Variants in CIP2A observed in about 807,000 individuals in gnomAD.
CIP2A encodes the protein protein CIP2A.
CIP2A carries 103 observed loss-of-function variants against 110.9 expected under a neutral mutation model. The ratio of observed to expected loss-of-function variants is 0.93; its 90% CI spans 0.79 to 1.09. The LOEUF (loss-of-function observed/expected upper bound fraction) is 1.09. CIP2A is among the 50% of genes least tolerant of loss of function. CIP2A has a pLI of 0.00. For synonymous variants in CIP2A, 381 were observed against 361.6 expected (o/e 1.05, Z -0.61); for missense variants, 1,088 against 1,038.4 (o/e 1.05, Z -0.66).
rs1338041092 is a variant in CIP2A, at chr3:108,568,261, C to G, written c.1167G>C (p.Leu389=). The part of the protein sequence containing the change: ...CSSADRFVTL[L]LPTILDQLQF... ...GAAGTTGATCAAGGATTGTAGGCAG[C>G]AGAAGGGTCACAAAACGATCAGCCG... The change falls in exon 10 of 21, where the codon CTG becomes CTC. Residue 389 remains leucine, a synonymous_variant. Coordinates refer to ENST00000295746, the MANE Select transcript of CIP2A (RefSeq NM_020890.3). 1.9e-6 allele frequency: 3 copies of G among 1,612,226 alleles called. No homozygotes were observed. The Admixed American group carries it at 5.0e-5, about 27-fold the overall frequency.
At chr3:108,565,265 C>T in intron 12 of CIP2A, 90 bp downstream of exon 12, 1 of 672,840 alleles carries the variant, frequency 1.5e-6, no homozygotes, top group Non-Finnish European at 2.5e-6. Flanking sequence ...AGAGAATTAT[C>T]TTCTAAAGAT....
chr3:108,576,618 T>A (rs768805283), intron 7 of CIP2A, among the ~76,000 whole-genome samples: 16 of 152,180 alleles, frequency 1.1e-4, no homozygotes, highest in Non-Finnish European at 2.1e-4. Context: ...CGAATACACA[T>A]CACTATTAAA....
Position 108,550,935 on chromosome 3 carries a change from A to T in CIP2A, c.*214T>A, listed in dbSNP as rs2083888130. 1 of 308,870 alleles carries T rather than the reference A, an allele frequency of 3.2e-6. No individual in the cohort carries two copies. Among genetic ancestry groups the T allele is most frequent in the African/African-American group, 2.2e-5 (1 of 46,478 alleles). The allele number at this position is 308,870 out of a possible 1,614,324, so 19.1% of individuals were successfully genotyped here. A position where few individuals can be genotyped will look rare whatever the true frequency, so the allele number is the denominator to read the frequency against. Reference sequence around the variant, plus strand: ...TAAGAACCAAAGAAAACCTTAAGCCATAAAAGCCAGAAACAAAAAGTAAAA... The same window carrying T: ...TAAGAACCAAAGAAAACCTTAAGCCTTAAAAGCCAGAAACAAAAAGTAAAA... On this transcript the variant is annotated 3_prime_UTR_variant, in exon 21 of 21. Coordinates refer to ENST00000295746, the MANE Select transcript of CIP2A (RefSeq NM_020890.3).
At chr3:108,585,681 T>C (rs959523977) in intron 1 of CIP2A, 2 of 456,056 alleles carry the variant, frequency 4.4e-6, no homozygotes, top group Non-Finnish European at 8.8e-6. Flanking sequence ...GGGAGGAGAA[T>C]GAAAAATGAA....
At chr3:108,575,582 A>ACG (rs1938575866) in intron 8 of CIP2A, among the ~76,000 whole-genome samples, 1 of 148,154 alleles carries the variant, frequency 6.7e-6, no homozygotes, top group Non-Finnish European at 1.5e-5. Flanking sequence ...ACTCATATAC[A>ACG]TGTGTATATA....
intron 13 of CIP2A, 60 bp from the exon 14 acceptor site, chr3:108,560,901 T>G (rs1937986627): frequency 8.2e-7 from 1 of 1,218,890 alleles, no homozygotes; most frequent in African/African-American, 1.5e-5. Flanking sequence ...AAAGGCAGAC[T>G]TAGTGCAGAA....
At chr3:108,587,948 T>C (rs1003262574) in intron 1 of CIP2A, among the ~76,000 whole-genome samples, 1 of 151,916 alleles carries the variant, frequency 6.6e-6, no homozygotes, top group Non-Finnish European at 1.5e-5. Flanking sequence ...CCAGGTAATT[T>C]TTGTATTTTT....
At chr3:108,552,651 C>G (rs1296221678) in intron 19 of CIP2A, among the ~76,000 whole-genome samples, 1 of 152,080 alleles carries the variant, frequency 6.6e-6, no homozygotes, top group Non-Finnish European at 1.5e-5. Flanking sequence ...AGGTAGGTGC[C>G]TGCGCTCTAA....
chr3:108,556,384 A>T (rs964900785), intron 17 of CIP2A, among the ~76,000 whole-genome samples: 8 of 152,284 alleles, frequency 5.3e-5, no homozygotes, highest in Middle Eastern at 3.4e-3. Context: ...CCTGTAATTC[A>T]GAAGTTTTAC....
intron 9 of CIP2A, 133 bp downstream of exon 9, chr3:108,569,256 A>G (rs1394390583): frequency 7.3e-6 from 5 of 685,670 alleles, no homozygotes; most frequent in Non-Finnish European, 1.3e-5. Context: ...TAGCGAGTCT[A>G]GTATGACTGT....
chr3:108,557,879 G>A (rs546868470), intron 16 of CIP2A, among the ~76,000 whole-genome samples: 42 of 152,168 alleles, frequency 2.8e-4, no homozygotes, highest in Middle Eastern at 3.4e-3. Flanking sequence ...ACCATAACCT[G>A]CATGTATTTA....
At position 108,569,177 on chromosome 3, in the gene CIP2A, T is replaced by TATATATATATATATATATATATATATAC. The variant is rs374983042; in HGVS notation, c.1113+211_1113+212insGTATATATATATATATATATATATATAT. On this transcript the variant is annotated intron_variant, in intron 9 of 20. Transcript: ENST00000295746. The stretch of plus-strand genomic sequence containing the variant: ...TACACTGAAATGAGCACTATATATA[T>TATATATATATATATATATATATATATAC]ATATACATACACACTACTCAGTGAA... Among the ~76,000 whole-genome samples, 101 of 69,030 alleles carry TATATATATATATATATATATATATATAC rather than the reference T, an allele frequency of 1.5e-3. 4 individuals are homozygous for TATATATATATATATATATATATATATAC. The highest frequency in any genetic ancestry group is 4.4e-3 in the African/African-American group (96 of 21,808). 45.3% of individuals were successfully genotyped at this position (69,030 alleles called of 152,430 possible).
rs564825683 is a variant in CIP2A, at chr3:108,553,251, T to C, written c.2407+397A>G. On this transcript the variant is annotated intron_variant, in intron 19 of 20. Coordinates refer to ENST00000295746, the MANE Select transcript of CIP2A (RefSeq NM_020890.3). ...AAGAGATTCTCCCACTGTAGCTTCCTGAGTAGCTGGAACTACAGGTGCACA... is the reference window on the plus strand; with the variant it reads ...AAGAGATTCTCCCACTGTAGCTTCCCGAGTAGCTGGAACTACAGGTGCACA... Among the ~76,000 whole-genome samples, 11 of 149,960 alleles carry C rather than the reference T, an allele frequency of 7.3e-5. No individual in the cohort carries two copies. In the South Asian group the frequency reaches 2.1e-3, roughly 29 times the overall value.
chr3:108,558,761 T>C (rs1000444669), intron 16 of CIP2A, among the ~76,000 whole-genome samples: 5 of 152,024 alleles, frequency 3.3e-5, no homozygotes, highest in African/African-American at 1.2e-4. Flanking sequence ...GTTCCAGACA[T>C]GGAAAGTCAA....
At chr3:108,585,988 T>C (rs16854718) in intron 1 of CIP2A, among the ~76,000 whole-genome samples, 30,878 of 152,046 alleles carry the variant, frequency 0.2, 3,712 homozygotes, top group East Asian at 0.45. Context: ...TCTCAAAGCA[T>C]GAATTTTCAA....
intron 9 of CIP2A, among the ~76,000 whole-genome samples, chr3:108,569,168 C>CTATATATATATATATATA (rs1163991017): frequency 0.013 from 144 of 11,080 alleles, 32 homozygotes; most frequent in South Asian, 0.093. Flanking sequence ...GAAATGAGCA[C>CTATATATATATATATATA]TATATATATA....
chr3:108,571,105 CA>C (rs1038662953), intron 8 of CIP2A, among the ~76,000 whole-genome samples: 5 of 152,128 alleles, frequency 3.3e-5, no homozygotes, highest in African/African-American at 1.2e-4. Context: ...GGAAGGTCTT[CA>C]GGGGCAGTAA....
Position 108,560,860 on chromosome 3 carries a change from A to C in CIP2A, c.1635-19T>G. 1 of 1,497,840 alleles carries C rather than the reference A, an allele frequency of 6.7e-7. No individual in the cohort carries two copies. The highest frequency in any genetic ancestry group is 1.4e-5 in the African/African-American group (1 of 70,314). 92.8% of individuals were successfully genotyped at this position (1,497,840 alleles called of 1,614,324 possible). A position where few individuals can be genotyped will look rare whatever the true frequency, so the allele number is the denominator to read the frequency against. On this transcript the variant is annotated intron_variant, in intron 13 of 20. Coordinates refer to ENST00000295746, the MANE Select transcript of CIP2A (RefSeq NM_020890.3). ...TCCAAGTCTGAATGGGAGTCAAAGA[A>C]AGGAAAAAAAAATTATACGAAAATA...
rs1938062928 is a variant in CIP2A, at chr3:108,563,115, T to C, written c.1634+11A>G. The C allele has an allele frequency of 6.5e-7, 1 of 1,537,020 alleles. No individual in the cohort carries two copies. Among genetic ancestry groups the C allele is most frequent in the South Asian group, 1.1e-5 (1 of 89,398 alleles). On this transcript the variant is annotated intron_variant, in intron 13 of 20. Coordinates refer to ENST00000295746, the MANE Select transcript of CIP2A (RefSeq NM_020890.3). ...ACCACAAGAGATACACTGCAAATGA[T>C]TACAACTCACACTAAAGCAGGAAAA...
Sources: allele counts gnomAD v4.1 joint callset (sites outside exome capture counted in the v4.1 genomes callset), GRCh38; gene constraint gnomAD v4.1.1; transcripts MANE v1.5; gene names NCBI Gene and HGNC (gene_info 2026-07-23, HGNC 2026-07-21).